Variants in RMC1 observed in about 807,000 individuals in gnomAD.
RMC1 encodes regulator of MON1-CCZ1 complex.
A neutral mutation model predicts 95.5 loss-of-function variants in RMC1; 44 were observed. The ratio of observed to expected loss-of-function variants is 0.46; its 90% CI spans 0.36 to 0.59. The LOEUF is 0.59. RMC1 is among the 20% of genes least tolerant of loss of function. RMC1 has a pLI of 0.00. For missense variants in RMC1, 705 were observed against 819.6 expected (o/e 0.86, Z 1.71); for synonymous variants, 320 against 303.6 (o/e 1.05, Z -0.56).
At chr18:23,506,574 G>A (rs1178308170) in intron 2 of RMC1, 2 of 204,320 alleles carry the variant, frequency 9.8e-6, no homozygotes, top group South Asian at 7.3e-5. Context: ...CACTGTAGTG[G>A]AGCCATCTGG....
chr18:23,516,488 G>C (rs976816143), intron 7 of RMC1, 65 bp downstream of exon 7: 29 of 1,542,906 alleles, frequency 1.9e-5, no homozygotes, highest in Middle Eastern at 1.7e-4. Context: ...AATAGAAGGA[G>C]TGTGTTACAA....
chr18:23,515,697 T>A (rs1232558515), intron 5 of RMC1, among the ~76,000 whole-genome samples, 159 bp from the exon 6 acceptor site: 1 of 152,202 alleles, frequency 6.6e-6, no homozygotes. Context: ...CACGCCTGGC[T>A]AATTTTTGTA....
At chr18:23,517,278 T>TC (rs2058033444) in intron 7 of RMC1, among the ~76,000 whole-genome samples, 1 of 151,718 alleles carries the variant, frequency 6.6e-6, no homozygotes, top group South Asian at 2.1e-4. Context: ...GCCTCCCGAG[T>TC]AGCTGGGACT....
At chr18:23,505,051 T>C (rs2057678722) in intron 2 of RMC1, among the ~76,000 whole-genome samples, 2 of 152,238 alleles carry the variant, frequency 1.3e-5, no homozygotes, top group Non-Finnish European at 2.9e-5. Context: ...TGTTGGTCTG[T>C]GTTAATGAGA....
At chr18:23,529,944 G>C in intron 16 of RMC1, 84 bp from the exon 17 acceptor site, 7 of 1,304,536 alleles carry the variant, frequency 5.4e-6, no homozygotes, top group Non-Finnish European at 7.7e-6. Context: ...GTGTTGGTTA[G>C]AATAGCCAGT....
rs914825098 is a variant in RMC1, at chr18:23,515,847, C to T, written c.409-9C>T. On this transcript the variant is annotated splice_polypyrimidine_tract_variant and intron_variant, in intron 5 of 19. Coordinates refer to ENST00000269221, the MANE Select transcript of RMC1 (RefSeq NM_013326.5). ...AAATGAAGATCCTGTTTCTTAAACTCTGCTTCAGGTATTACCAGAGAAACG... is the reference window on the plus strand; with the variant it reads ...AAATGAAGATCCTGTTTCTTAAACTTTGCTTCAGGTATTACCAGAGAAACG... 6.2e-7 allele frequency: 1 copy of T among 1,613,894 alleles called. No homozygotes were observed. Among genetic ancestry groups the T allele is most frequent in the African/African-American group, 1.3e-5 (1 of 74,880 alleles).
chr18:23,512,310 C>T (rs2057883695), intron 5 of RMC1, among the ~76,000 whole-genome samples: 1 of 152,090 alleles, frequency 6.6e-6, no homozygotes, highest in African/African-American at 2.4e-5. Context: ...CGTGAGCCAC[C>T]ATGCCTGGCC....
chr18:23,529,653 G>C lies in RMC1; in HGVS notation c.1435G>C (p.Val479Leu), dbSNP rs779543752. 2 of 1,614,106 alleles carry C rather than the reference G, an allele frequency of 1.2e-6. No individual in the cohort carries two copies. The highest frequency in any genetic ancestry group is 1.1e-5 in the South Asian group (1 of 91,078). The change falls in exon 16 of 20, where the codon GTG becomes CTG. Residue 479 changes from valine (V) to leucine (L), a missense_variant. Coordinates refer to ENST00000269221, the MANE Select transcript of RMC1 (RefSeq NM_013326.5). Reference sequence around the variant, plus strand: ...TCCCTAGGAGATGCCTCATAAATTTGTGATAGCCGTGCTGATGGAATACAT... The same window carrying C: ...TCCCTAGGAGATGCCTCATAAATTTCTGATAGCCGTGCTGATGGAATACAT... ...VEKKEMPHKF[V>L]IAVLMEYIRS...
chr18:23,530,353 T>C (rs755119473), intron 18 of RMC1, 34 bp from the exon 19 acceptor site: 2 of 1,614,044 alleles, frequency 1.2e-6, no homozygotes, highest in Admixed American at 1.7e-5. Context: ...TCCTGTTGTT[T>C]GCACTGACCT....
rs560244348 is a variant in RMC1, at chr18:23,515,055, C to T, written c.409-801C>T. ...TCCCAGGCCCAGTGTAGACTGGAGT[C>T]GAGGTGGAGGCCAAGCAGAAGGCAG... is the stretch of plus-strand genomic sequence containing the variant. On this transcript the variant is annotated intron_variant, in intron 5 of 19. Transcript: ENST00000269221. 3.3e-5 allele frequency among the ~76,000 whole-genome samples: 5 copies of T among 151,960 alleles called. No individual in the cohort carries two copies. In the East Asian group the frequency reaches 5.8e-4, roughly 18 times the overall value.
intron 5 of RMC1, among the ~76,000 whole-genome samples, chr18:23,513,696 C>T (rs963637926): frequency 2.6e-5 from 4 of 152,182 alleles, no homozygotes; most frequent in Non-Finnish European, 5.9e-5. Flanking sequence ...ATATCCTCAC[C>T]AACACTTGCT....
Position 23,531,772 on chromosome 18 carries a change from A to C in RMC1, c.*68A>C. On this transcript the variant is annotated 3_prime_UTR_variant, in exon 20 of 20. Transcript: ENST00000269221. ...ATTTATTGCATTAATAAAGCTCTTT[A>C]AACTATAAAATGTTATAAAGTGTAT... 1 of 1,574,454 alleles carries C rather than the reference A, an allele frequency of 6.4e-7. No homozygotes were observed. The highest frequency in any genetic ancestry group is 8.6e-7 in the Non-Finnish European group (1 of 1,166,320).
intron 14 of RMC1, chr18:23,528,122 C>A: frequency 2.2e-6 from 1 of 457,892 alleles, no homozygotes; most frequent in Non-Finnish European, 3.9e-6. Flanking sequence ...CACTTCATAC[C>A]TTCACTGTTT....
rs2057662661 is a variant in RMC1, at chr18:23,504,356, G to GCTTTTC, written c.103-13_103-8dup. The GCTTTTC allele has an allele frequency of 6.2e-7, 1 of 1,613,646 alleles. No homozygotes were observed. The highest frequency in any genetic ancestry group is 1.3e-5 in the African/African-American group (1 of 74,906). On this transcript the variant is annotated splice_polypyrimidine_tract_variant and intron_variant, in intron 1 of 19. Transcript: ENST00000269221. The stretch of plus-strand genomic sequence containing the variant: ...CAGAGTTCAGGCTGTTAACCTTGCT[G>GCTTTTC]CTTTTCCCTCTCAGGTTTTTGCTGT...
In RMC1 at chr18:23,503,593, CCCCCG is replaced by C. The variant is rs959835580; in HGVS notation, c.-23_-19del. ...TCCACTCTGGCGACCGCCCCCGGGG[CCCCCG>C]CCGCGGGCGCGGCGCCCGCCATGGG... On this transcript the variant is annotated 5_prime_UTR_variant, in exon 1 of 20. Transcript: ENST00000269221. 2 of 1,531,406 alleles carry C rather than the reference CCCCCG, an allele frequency of 1.3e-6. No individual in the cohort carries two copies. The highest frequency in any genetic ancestry group is 1.8e-6 in the Non-Finnish European group (2 of 1,136,810). 94.9% of individuals were successfully genotyped at this position (1,531,406 alleles called of 1,614,324 possible). A position where few individuals can be genotyped will look rare whatever the true frequency, so the allele number is the denominator to read the frequency against.
intron 10 of RMC1, 142 bp from the exon 11 acceptor site, chr18:23,523,988 G>A (rs569799356): frequency 2.1e-5 from 19 of 913,622 alleles, no homozygotes; most frequent in African/African-American, 8.1e-5. Flanking sequence ...TCAGTGAGAC[G>A]GAACAGTTCA....
In RMC1 at chr18:23,529,756, TAA is replaced by T. The variant is rs199522028; in HGVS notation, c.1494+53_1494+54del. 6.3e-6 allele frequency: 9 copies of T among 1,423,490 alleles called. No homozygotes were observed. In the African/African-American group the frequency reaches 8.6e-5, roughly 14 times the overall value. The allele number at this position is 1,423,490 out of a possible 1,614,324, so 88.2% of individuals were successfully genotyped here. ...GGCCCAAGTTAAAACAGAAGGAATT[TAA>T]AAAAAAAACACAGTCACTGTCTTAG... On this transcript the variant is annotated intron_variant, in intron 16 of 19. Coordinates refer to ENST00000269221, the MANE Select transcript of RMC1 (RefSeq NM_013326.5).
Position 23,519,249 on chromosome 18 carries a change from G to A in RMC1, c.849+75G>A, listed in dbSNP as rs2058085542. ...GTGAAAATTGGTGGCTGGGCACGGT[G>A]GATCACGCCTGTAATCCCAGCACTT... On this transcript the variant is annotated intron_variant, in intron 9 of 19. Coordinates refer to ENST00000269221, the MANE Select transcript of RMC1 (RefSeq NM_013326.5). The A allele has an allele frequency of 6.8e-6, 9 of 1,319,416 alleles. No homozygotes were observed. In the Admixed American group the frequency reaches 1.4e-4, roughly 20 times the overall value. The allele number at this position is 1,319,416 out of a possible 1,614,324, so 81.7% of individuals were successfully genotyped here.
At chr18:23,525,682 C>G (rs2058278288) in intron 12 of RMC1, among the ~76,000 whole-genome samples, 1 of 152,170 alleles carries the variant, frequency 6.6e-6, no homozygotes, top group South Asian at 2.1e-4. Context: ...CTCAGCCTCC[C>G]AAAGTGCTGG....
Sources: allele counts gnomAD v4.1 joint callset (sites outside exome capture counted in the v4.1 genomes callset), GRCh38; gene constraint gnomAD v4.1.1; transcripts MANE v1.5; gene names NCBI Gene and HGNC (gene_info 2026-07-23, HGNC 2026-07-21).